Variants in DCC observed in about 807,000 individuals in gnomAD.
DCC encodes DCC netrin 1 receptor, also known as netrin receptor DCC.
A neutral mutation model predicts 172.5 loss-of-function variants in DCC; 58 were observed. That is an observed-to-expected ratio of 0.34 (90% CI 0.27 to 0.42). The LOEUF (loss-of-function observed/expected upper bound fraction) is 0.42. Ranked by LOEUF, DCC falls within the 10% of genes least tolerant of loss-of-function variation. The pLI, the probability that DCC is intolerant of heterozygous loss-of-function variation, is 1.00. For missense variants in DCC, 1,740 were observed against 1,791.0 expected, an observed-to-expected ratio of 0.97 and a Z score of 0.51; for synonymous variants, 709 against 644.5, an observed-to-expected ratio of 1.10 and a Z score of -1.52.
intron 11 of DCC, among the ~76,000 whole-genome samples, chr18:53,212,111 G>A (rs1196202023): frequency 6.6e-6 from 1 of 152,082 alleles, no homozygotes; most frequent in Non-Finnish European, 1.5e-5. Context: ...ATTTGCTGAG[G>A]GGAGGAATTC....
chr18:53,360,375 A>G (rs1389541978), intron 15 of DCC, among the ~76,000 whole-genome samples: 2 of 152,122 alleles, frequency 1.3e-5, no homozygotes, highest in Non-Finnish European at 2.9e-5. Context: ...TACATATTTT[A>G]TTTAGTTAGC....
chr18:52,837,834 C>A (rs1257519188), intron 2 of DCC, among the ~76,000 whole-genome samples: 1 of 152,140 alleles, frequency 6.6e-6, no homozygotes, highest in Non-Finnish European at 1.5e-5. Flanking sequence ...GGGTAATTTA[C>A]AAAGGAAAGA....
chr18:52,642,046 ACTGTGGTGTGTGTG>A (rs1413542998), intron 1 of DCC, among the ~76,000 whole-genome samples: 200 of 16,260 alleles, frequency 0.012, 4 homozygotes, highest in Middle Eastern at 0.056. Flanking sequence ...ATATATATAT[ACTGTGGTGTGTGTG>A]TGTATATATA....
intron 5 of DCC, among the ~76,000 whole-genome samples, chr18:52,969,353 T>A (rs2040985205): frequency 6.6e-6 from 1 of 152,100 alleles, no homozygotes; most frequent in Admixed American, 6.6e-5. Context: ...GAATTCCTTA[T>A]ATTAGCAAAT....
At chr18:53,485,630 G>A (rs924768576) in intron 25 of DCC, among the ~76,000 whole-genome samples, 16 of 151,934 alleles carry the variant, frequency 1.1e-4, no homozygotes, top group Admixed American at 5.2e-4. Flanking sequence ...TTTAAGAAAC[G>A]TTATAAATAT....
At chr18:52,955,536 C>G (rs879414212) in intron 5 of DCC, among the ~76,000 whole-genome samples, 5 of 150,996 alleles carry the variant, frequency 3.3e-5, no homozygotes, top group Admixed American at 3.3e-4. Flanking sequence ...TGTGGGCATA[C>G]ATTGTCAGTT....
chr18:52,495,881 G>A (rs2144614204), intron 1 of DCC, among the ~76,000 whole-genome samples: 1 of 151,840 alleles, frequency 6.6e-6, no homozygotes, highest in South Asian at 2.1e-4. Context: ...GCTGTCCGAT[G>A]CAATCTTGGC....
rs531388123 is a variant in DCC, at chr18:52,682,229, A to G, written c.92-69825A>G. ...TGGTTTTAATTCAATAGAAAAACAC[A>G]TTACCTATTTGGATGTAAAGAAACA... On this transcript the variant is annotated intron_variant, in intron 1 of 28. Transcript: ENST00000442544. Among the ~76,000 whole-genome samples the G allele has an allele frequency of 9.9e-5, 15 of 152,202 alleles. No individual in the cohort carries two copies. The East Asian group carries it at 2.5e-3, about 26-fold the overall frequency.
chr18:52,938,290 T>A (rs2040410588), intron 5 of DCC, among the ~76,000 whole-genome samples: 1 of 152,004 alleles, frequency 6.6e-6, no homozygotes, highest in African/African-American at 2.4e-5. Flanking sequence ...AGCAAGACAG[T>A]GAGATTTATC....
rs890985579 is a variant in DCC at position 53,170,774 on chromosome 18, G to T, written c.1419-8188G>T. 2.6e-5 allele frequency among the ~76,000 whole-genome samples: 4 copies of T among 152,188 alleles called. No individual in the cohort carries two copies. In the South Asian group the frequency reaches 8.3e-4, roughly 32 times the overall value. ...ACATATGTTGTACTTGAGAAATCTG[G>T]GGCTCAGAAAGTTTAATGTGAAGGC... On this transcript the variant is annotated intron_variant, in intron 8 of 28. Transcript: ENST00000442544.
At chr18:52,386,235 T>C (rs972955504) in intron 1 of DCC, among the ~76,000 whole-genome samples, 2 of 152,076 alleles carry the variant, frequency 1.3e-5, no homozygotes, top group Non-Finnish European at 2.9e-5. Flanking sequence ...ACATTTCCCA[T>C]CTGCCAGATT....
chr18:52,721,488 T>C (rs1455599362), intron 1 of DCC, among the ~76,000 whole-genome samples: 1 of 152,346 alleles, frequency 6.6e-6, no homozygotes, highest in South Asian at 2.1e-4. Flanking sequence ...CACTGGGTTT[T>C]ATGAAGACAA....
At chr18:53,254,414 G>T (rs936919626) in intron 12 of DCC, among the ~76,000 whole-genome samples, 3 of 151,986 alleles carry the variant, frequency 2.0e-5, no homozygotes, top group Non-Finnish European at 4.4e-5. Flanking sequence ...TCTTCAGAAA[G>T]GTAGATCCCA....
At chr18:53,439,769 C>CTTTTTTTTTTTTTT (rs1292726340) in intron 22 of DCC, among the ~76,000 whole-genome samples, 2 of 127,248 alleles carry the variant, frequency 1.6e-5, no homozygotes, top group Non-Finnish European at 3.4e-5. Flanking sequence ...TAGTATTTTT[C>CTTTTTTTTTTTTTT]TTTTTTTTTT....
intron 1 of DCC, among the ~76,000 whole-genome samples, chr18:52,717,622 CA>C (rs2036406794): frequency 6.6e-6 from 1 of 151,908 alleles, no homozygotes; most frequent in Admixed American, 6.6e-5. Flanking sequence ...TTGAGAGCCT[CA>C]AAACTACCTT....
At chr18:53,025,831 C>CACACACAT (rs1192826087) in intron 5 of DCC, among the ~76,000 whole-genome samples, 9 of 147,074 alleles carry the variant, frequency 6.1e-5, no homozygotes, top group African/African-American at 1.5e-4. Flanking sequence ...CACACACACA[C>CACACACAT]ATAAAACTTC....
intron 1 of DCC, among the ~76,000 whole-genome samples, chr18:52,628,416 G>A (rs2034612790): frequency 6.6e-6 from 1 of 152,146 alleles, no homozygotes; most frequent in Non-Finnish European, 1.5e-5. Flanking sequence ...GCTTTCCTGG[G>A]TATATTCTGA....
chr18:53,188,312 A>G (rs1032938647), intron 9 of DCC, among the ~76,000 whole-genome samples: 1 of 152,204 alleles, frequency 6.6e-6, no homozygotes, highest in African/African-American at 2.4e-5. Context: ...ATGGGCTTAC[A>G]ATAATGGCAG....
intron 5 of DCC, among the ~76,000 whole-genome samples, chr18:52,940,472 C>A (rs2040444447): frequency 6.6e-6 from 1 of 152,116 alleles, no homozygotes; most frequent in Non-Finnish European, 1.5e-5. Flanking sequence ...ACAAAAGTAG[C>A]TCCACCATGA....
Sources: allele counts gnomAD v4.1 joint callset (sites outside exome capture counted in the v4.1 genomes callset), GRCh38; gene constraint gnomAD v4.1.1; transcripts MANE v1.5; gene names NCBI Gene and HGNC (gene_info 2026-07-23, HGNC 2026-07-21).